Variants in GPR21 observed in about 807,000 individuals in gnomAD.
The protein encoded by GPR21 is probable G protein-coupled receptor 21.
Under a neutral mutation model 21.5 loss-of-function variants are expected in GPR21, and 9 were observed. The ratio of observed to expected loss-of-function variants is 0.42; its 90% CI spans 0.25 to 0.73. GPR21 has a LOEUF of 0.73. Ranked by LOEUF, GPR21 falls within the 30% of genes least tolerant of loss-of-function variation. The pLI, the probability that GPR21 is intolerant of heterozygous loss-of-function variation, is 0.27. For synonymous variants in GPR21, 169 were observed against 159.3 expected (o/e 1.06, Z -0.46); for missense variants, 416 against 428.9 (o/e 0.97, Z 0.27).
the GPR21 span, among the ~76,000 whole-genome samples, chr9:123,047,785 C>T: frequency 2.9e-4 from 44 of 152,066 alleles, no homozygotes; most frequent in Middle Eastern, 3.4e-3. Context: ...AGACCTCTTA[C>T]GGAATTCTTA....
At chr9:123,046,674 G>A in the GPR21 span, among the ~76,000 whole-genome samples, 5 of 152,330 alleles carry the variant, frequency 3.3e-5, no homozygotes, top group South Asian at 1.0e-3. Flanking sequence ...CATGTTAGCT[G>A]GTACAGCTGT....
chr9:123,045,532 A>G, the GPR21 span, among the ~76,000 whole-genome samples: 3 of 152,168 alleles, frequency 2.0e-5, no homozygotes, highest in Non-Finnish European at 2.9e-5. Context: ...AGAACACTGG[A>G]AATAAAGTTA....
In GPR21 at chr9:123,034,410, A is replaced by G. The variant is rs1209766021; in HGVS notation, c.-157A>G. ...TTAAAGGGGAATTGCACTGCAGGCA[A>G]TGCACCAGAGCAGCAGCATCAGGAG... is the stretch of plus-strand genomic sequence containing the variant. On this transcript the variant is annotated 5_prime_UTR_variant, in exon 2 of 2. An upstream start codon of the reference 5' UTR is lost. Transcript: ENST00000616002. 1.6e-5 allele frequency: 10 copies of G among 620,398 alleles called. No individual in the cohort carries two copies. Among genetic ancestry groups the G allele is most frequent in the East Asian group, 8.0e-5 (3 of 37,622 alleles). 38.4% of individuals were successfully genotyped at this position (620,398 alleles called of 1,614,324 possible). A position where few individuals can be genotyped will look rare whatever the true frequency, so the allele number is the denominator to read the frequency against.
At chr9:123,039,139 T>C (rs967998590), downstream of GPR21, among the ~76,000 whole-genome samples, 4 of 152,212 alleles carry the variant, frequency 2.6e-5, no homozygotes, top group African/African-American at 9.6e-5. Flanking sequence ...CCATACATCA[T>C]GATGTGTTCC....
the GPR21 span, among the ~76,000 whole-genome samples, chr9:123,045,505 T>A: frequency 4.9e-4 from 75 of 152,228 alleles, no homozygotes; most frequent in Non-Finnish European, 8.2e-4. Flanking sequence ...ATACTGAGGA[T>A]GTGTATTGTA....
chr9:123,040,528 T>G (rs1186499221), downstream of GPR21, among the ~76,000 whole-genome samples: 2 of 152,206 alleles, frequency 1.3e-5, no homozygotes, highest in African/African-American at 2.4e-5. Flanking sequence ...TTAGTTCAAT[T>G]AACTTCTGTT....
the GPR21 span, among the ~76,000 whole-genome samples, chr9:123,047,900 G>A: frequency 8.0e-6 from 1 of 125,562 alleles, no homozygotes; most frequent in African/African-American, 2.7e-5. Flanking sequence ...AAAATATCTA[G>A]CCATTTTACA....
Position 123,034,593 on chromosome 9 carries a change from G to C in GPR21, c.27G>C (p.Gln9His), listed in dbSNP as rs747176566. The change falls in exon 2 of 2, where the codon CAG becomes CAC. Residue 9 changes from glutamine (Q) to histidine (H), a missense_variant. Coordinates refer to ENST00000616002, the MANE Select transcript of GPR21 (RefSeq NM_005294.3). MNSTLDGN[Q>H]SSHPFCLLAF... The stretch of plus-strand genomic sequence containing the variant: ...TGAACTCCACCTTGGATGGTAATCA[G>C]AGCAGCCACCCTTTTTGCCTCTTGG... 1.2e-6 allele frequency: 2 copies of C among 1,609,708 alleles called. No homozygotes were observed. Among genetic ancestry groups the C allele is most frequent in the Non-Finnish European group, 1.7e-6 (2 of 1,177,774 alleles).
chr9:123,040,653 A>C (rs2132019921), downstream of GPR21, among the ~76,000 whole-genome samples: 1 of 152,154 alleles, frequency 6.6e-6, no homozygotes, highest in Non-Finnish European at 1.5e-5. Flanking sequence ...CATAAAACAT[A>C]CTAGTTTTAT....
intron 1 of GPR21, among the ~76,000 whole-genome samples, 171 bp from the exon 2 acceptor site, chr9:123,034,000 G>A (rs1335943157): frequency 6.6e-6 from 1 of 152,172 alleles, no homozygotes; most frequent in Non-Finnish European, 1.5e-5. Flanking sequence ...TGTTGCTGCT[G>A]CTCCTCTATA....
chr9:123,038,757 A>G (rs894071004), downstream of GPR21, among the ~76,000 whole-genome samples: 1 of 151,156 alleles, frequency 6.6e-6, no homozygotes, highest in South Asian at 2.1e-4. Flanking sequence ...TTAAATTTAT[A>G]TATTATTAAT....
chr9:123,043,562 T>A, the GPR21 span, among the ~76,000 whole-genome samples: 1 of 151,770 alleles, frequency 6.6e-6, no homozygotes, highest in African/African-American at 2.4e-5. Flanking sequence ...TATGTGTTGC[T>A]GTGTATAGTT....
the GPR21 span, among the ~76,000 whole-genome samples, chr9:123,042,648 A>G: frequency 1.3e-5 from 2 of 152,228 alleles, no homozygotes; most frequent in Admixed American, 1.3e-4. Flanking sequence ...TGAAACAAAA[A>G]GGCAGAGAGA....
At position 123,034,317 on chromosome 9, in the gene GPR21, C is replaced by G; in HGVS notation, c.-250C>G. 1 of 537,852 alleles carries G rather than the reference C, an allele frequency of 1.9e-6. No individual in the cohort carries two copies. Among genetic ancestry groups the G allele is most frequent in the South Asian group, 3.0e-5 (1 of 33,528 alleles). The allele number at this position is 537,852 out of a possible 1,614,324, so 33.3% of individuals were successfully genotyped here. On this transcript the variant is annotated 5_prime_UTR_variant, in exon 2 of 2. Coordinates refer to ENST00000616002, the MANE Select transcript of GPR21 (RefSeq NM_005294.3). ...CCCTGGTGCTATGTGTATGGTGAAC[C>G]TGGCACTATGGCCGCGTCTGGGACT...
the GPR21 span, among the ~76,000 whole-genome samples, chr9:123,046,271 G>T: frequency 1.8e-4 from 27 of 152,198 alleles, no homozygotes; most frequent in African/African-American, 5.3e-4. Flanking sequence ...ACTTCAGGAG[G>T]TGGAAAGGAA....
At chr9:123,038,849 T>A (rs189200098), downstream of GPR21, among the ~76,000 whole-genome samples, 26 of 152,116 alleles carry the variant, frequency 1.7e-4, no homozygotes, top group Non-Finnish European at 3.1e-4. Flanking sequence ...AAAATTTGCA[T>A]GACAAAAGGG....
the GPR21 span, among the ~76,000 whole-genome samples, chr9:123,043,946 G>C: frequency 6.7e-6 from 1 of 149,592 alleles, no homozygotes; most frequent in Non-Finnish European, 1.5e-5. Flanking sequence ...AGTCACCCAG[G>C]CTGGAGTGCA....
At chr9:123,037,261 T>C (rs1186625273), downstream of GPR21, among the ~76,000 whole-genome samples, 2 of 152,242 alleles carry the variant, frequency 1.3e-5, no homozygotes, top group East Asian at 1.9e-4. Flanking sequence ...TTTTAGGCTT[T>C]AGACATCAAC....
chr9:123,040,576 G>A (rs2032904706), downstream of GPR21, among the ~76,000 whole-genome samples: 1 of 152,088 alleles, frequency 6.6e-6, no homozygotes, highest in African/African-American at 2.4e-5. Flanking sequence ...AGTCTTAGTA[G>A]TCTGCAAGCC....
Sources: gnomAD v4.1 joint callset for allele counts (sites outside exome capture counted in the v4.1 genomes callset) on GRCh38, gnomAD v4.1.1 for gene constraint, MANE v1.5 for transcripts, NCBI Gene and HGNC (gene_info 2026-07-23, HGNC 2026-07-21) for gene names.